Variants in NEK10 observed in about 807,000 individuals in gnomAD.
NEK10 encodes NIMA related kinase 10.
Under a neutral mutation model 159.8 loss-of-function variants are expected in NEK10, and 122 were observed. The ratio of observed to expected loss-of-function variants is 0.76; its 90% CI spans 0.66 to 0.89. The LOEUF is 0.89. Ranked by LOEUF, NEK10 falls within the 40% of genes least tolerant of loss-of-function variation. NEK10 has a pLI of 0.00. For missense variants in NEK10, 1,342 were observed against 1,323.1 expected, an observed-to-expected ratio of 1.01 and a Z score of -0.22; for synonymous variants, 466 against 457.1, an observed-to-expected ratio of 1.02 and a Z score of -0.25.
intron 23 of NEK10, chr3:27,215,491 A>G (rs1951420677): frequency 2.4e-6 from 1 of 415,114 alleles, no homozygotes; most frequent in Admixed American, 4.1e-5. Flanking sequence ...CAAATGCAAT[A>G]CATTTTTAAA....
intron 5 of NEK10, among the ~76,000 whole-genome samples, chr3:27,335,239 C>T (rs1261634602): frequency 6.6e-6 from 1 of 151,464 alleles, no homozygotes; most frequent in Non-Finnish European, 1.5e-5. Flanking sequence ...ACTTGGGAGG[C>T]TGAAGCAGGA....
At chr3:27,255,412 C>A in intron 23 of NEK10, 1 of 205,586 alleles carries the variant, frequency 4.9e-6, no homozygotes, top group Non-Finnish European at 1.0e-5. Flanking sequence ...TAAAATTAGG[C>A]TGCTATTTTT....
intron 18 of NEK10, among the ~76,000 whole-genome samples, chr3:27,291,034 G>T (rs995963903): frequency 1.1e-4 from 17 of 152,262 alleles, no homozygotes; most frequent in African/African-American, 4.1e-4. Context: ...CTTTGTGAGA[G>T]ATTAATAATG....
chr3:27,210,307 G>A (rs1163086750), intron 23 of NEK10, among the ~76,000 whole-genome samples: 1 of 152,006 alleles, frequency 6.6e-6, no homozygotes, highest in Non-Finnish European at 1.5e-5. Context: ...AGGGGCTGAG[G>A]GTGCTCACTT....
intron 20 of NEK10, among the ~76,000 whole-genome samples, chr3:27,286,405 CAG>C (rs1343388944): frequency 2.1e-5 from 3 of 145,982 alleles, no homozygotes; most frequent in Non-Finnish European, 4.5e-5. Flanking sequence ...CTTTCTGAGG[CAG>C]AGTCTTGCTC....
intron 23 of NEK10, among the ~76,000 whole-genome samples, chr3:27,208,794 AT>A (rs1559614692): frequency 6.6e-6 from 1 of 152,238 alleles, no homozygotes; most frequent in African/African-American, 2.4e-5. Flanking sequence ...GGGCAACATC[AT>A]TCCAGATGTG....
rs752147249 is a variant in NEK10, at chr3:27,304,736, C to A, written c.1028+11G>T. 1.7e-5 allele frequency: 27 copies of A among 1,593,346 alleles called. No individual in the cohort carries two copies. In the East Asian group the frequency reaches 5.8e-4, roughly 34 times the overall value. On this transcript the variant is annotated intron_variant, in intron 12 of 35. Coordinates refer to ENST00000691995, the MANE Select transcript of NEK10 (RefSeq NM_001394966.1). ...ACAGGGCAAAGTAGGCCAAAGCCCA[C>A]TTTTACTCACCCTTGTAAAATATGA...
intron 31 of NEK10, among the ~76,000 whole-genome samples, chr3:27,134,669 G>A (rs1356164960): frequency 2.0e-5 from 3 of 152,134 alleles, no homozygotes; most frequent in Non-Finnish European, 4.4e-5. Flanking sequence ...ACTCATTTGA[G>A]TAAGTTAACA....
At chr3:27,166,467 T>A (rs1193369413) in intron 29 of NEK10, among the ~76,000 whole-genome samples, 6 of 152,138 alleles carry the variant, frequency 3.9e-5, no homozygotes, top group African/African-American at 1.2e-4. Flanking sequence ...CAAGGAGTAA[T>A]CATGCAGTAT....
In NEK10 at chr3:27,116,147, G is replaced by C; in HGVS notation, c.3191-20C>G. 4.3e-6 allele frequency: 7 copies of C among 1,610,720 alleles called. No homozygotes were observed. Among genetic ancestry groups the C allele is most frequent in the Non-Finnish European group, 5.9e-6 (7 of 1,177,492 alleles). ...GTAAACCTAAAAAAGATAAATTATG[G>C]AAAGTCTGACATTTGGGTTCACATT... On this transcript the variant is annotated intron_variant, in intron 33 of 35. Coordinates refer to ENST00000691995, the MANE Select transcript of NEK10 (RefSeq NM_001394966.1).
At chr3:27,206,265 T>C (rs1950538766) in intron 23 of NEK10, among the ~76,000 whole-genome samples, 1 of 152,178 alleles carries the variant, frequency 6.6e-6, no homozygotes, top group Non-Finnish European at 1.5e-5. Context: ...GTAGAAGTAC[T>C]AGTCACTCTT....
intron 22 of NEK10, among the ~76,000 whole-genome samples, chr3:27,267,379 C>T (rs566456534): frequency 7.0e-4 from 107 of 152,222 alleles, no homozygotes; most frequent in African/African-American, 2.5e-3. Flanking sequence ...CTTTATTGTA[C>T]TTTGCAAATA....
chr3:27,179,991 G>A (rs1318789333), intron 26 of NEK10, among the ~76,000 whole-genome samples: 1 of 152,080 alleles, frequency 6.6e-6, no homozygotes, highest in African/African-American at 2.4e-5. Flanking sequence ...TGAAGCACGA[G>A]AATTGCTTAA....
intron 25 of NEK10, among the ~76,000 whole-genome samples, chr3:27,195,899 A>T (rs62255256): frequency 0.23 from 34,664 of 152,132 alleles, 4,268 homozygotes; most frequent in Middle Eastern, 0.38. Flanking sequence ...CTAATTTTAT[A>T]GAGTGCCTAC....
At chr3:27,185,614 T>TTA (rs1184841099) in intron 26 of NEK10, among the ~76,000 whole-genome samples, 70 of 152,294 alleles carry the variant, frequency 4.6e-4, no homozygotes, top group African/African-American at 1.5e-3. Context: ...GTCCCCACAA[T>TTA]CATGTAAGCC....
At position 27,340,546 on chromosome 3, in the gene NEK10, G is replaced by A. The variant is rs1192244869; in HGVS notation, c.362+3726C>T. ...AAATAAAATAAAATAAGTGGGCAAA[G>A]GACATGAATTGGCAACTCTCAAAAG... On this transcript the variant is annotated intron_variant, in intron 5 of 35. Coordinates refer to ENST00000691995, the MANE Select transcript of NEK10 (RefSeq NM_001394966.1). Among the ~76,000 whole-genome samples, 6 of 152,112 alleles carry A rather than the reference G, an allele frequency of 3.9e-5. No homozygotes were observed. The South Asian group carries it at 1.2e-3, about 32-fold the overall frequency.
intron 5 of NEK10, 100 bp downstream of exon 5, chr3:27,344,172 A>G (rs950785586): frequency 3.2e-5 from 19 of 591,428 alleles, no homozygotes; most frequent in Admixed American, 6.3e-5. Context: ...CTTTAATGAC[A>G]TGTTCAATCC....
In NEK10 at chr3:27,115,942, G is replaced by A. The variant is rs779998180; in HGVS notation, c.3297C>T (p.Asn1099=). Residue 1099 remains asparagine (N), a splice_region_variant and synonymous_variant, in exon 35 of 36, where the codon AAC becomes AAT. Coordinates refer to ENST00000691995, the MANE Select transcript of NEK10 (RefSeq NM_001394966.1). ...TGAAGGCAAACTCTAGCTCTTACCT[G>A]TTAGATGTAAAATTGTAATAGCCAC... ...EESGYYNFTS[N]RYHSYPWGTK... 1.1e-5 allele frequency: 18 copies of A among 1,609,378 alleles called. No individual in the cohort carries two copies. In the South Asian group the frequency reaches 1.9e-4, roughly 17 times the overall value.
Position 27,301,761 on chromosome 3 carries a change from T to A in NEK10, c.1103A>T (p.Gln368Leu). 2 of 1,570,398 alleles carry A rather than the reference T, an allele frequency of 1.3e-6. No homozygotes were observed. Among genetic ancestry groups the A allele is most frequent in the Non-Finnish European group, 1.7e-6 (2 of 1,155,966 alleles). ...GCTCAAGTCTTCTGATAAATGAAGC[T>A]GCTGGATTCGGCCTGCAGCATTTGC... ...SSANAAGRIQ[Q>L]LHLSEDLSPR... The change falls in exon 13 of 36, where the codon CAG (glutamine) becomes CTG (leucine). Residue 368 changes from glutamine (Q) to leucine (L), a missense_variant. Transcript: ENST00000691995.
Sources: allele counts gnomAD v4.1 joint callset (sites outside exome capture counted in the v4.1 genomes callset), GRCh38; gene constraint gnomAD v4.1.1; transcripts MANE v1.5; gene names NCBI Gene and HGNC (gene_info 2026-07-23, HGNC 2026-07-21).